The following PCMT1 variants were observed in gnomAD, a reference collection of about 807,000 sequenced individuals.
PCMT1 encodes protein-L-isoaspartate (D-aspartate) O-methyltransferase, also known as protein-L-isoaspartate(D-aspartate) O-methyltransferase.
A neutral mutation model predicts 29.2 loss-of-function variants in PCMT1; 9 were observed. The observed-to-expected ratio is 0.31, with a 90% CI of 0.19 to 0.54. The LOEUF (loss-of-function observed/expected upper bound fraction) is 0.54, where lower values mean the gene tolerates loss of function less well. PCMT1 is among the 20% of genes least tolerant of loss of function. The probability of loss-of-function intolerance (pLI) is 0.95; values close to 1 mark genes in which losing one functional copy is unlikely to be tolerated. For synonymous variants in PCMT1, 98 were observed against 97.5 expected (o/e 1.00, Z -0.03); for missense variants, 184 against 282.2 (o/e 0.65, Z 2.49).
intron 1 of PCMT1, among the ~76,000 whole-genome samples, chr6:149,755,471 T>C (rs1321312112): frequency 6.6e-6 from 1 of 152,024 alleles, no homozygotes; most frequent in Non-Finnish European, 1.5e-5. Flanking sequence ...GTATGGGCTT[T>C]GGTATTGTAT....
At chr6:149,750,962 A>G (rs1246622120) in intron 1 of PCMT1, among the ~76,000 whole-genome samples, 1 of 151,938 alleles carries the variant, frequency 6.6e-6, no homozygotes, top group African/African-American at 2.4e-5. Flanking sequence ...TTAGCTTTTC[A>G]TGTGTTTGTC....
intron 1 of PCMT1, among the ~76,000 whole-genome samples, chr6:149,768,582 C>T (rs1787186217): frequency 6.6e-6 from 1 of 151,074 alleles, no homozygotes; most frequent in African/African-American, 2.4e-5. Context: ...CTCTGAGTAG[C>T]TGGGATCACA....
chr6:149,791,320 A>T lies in PCMT1; in HGVS notation c.297+1262A>T, dbSNP rs1788361032. On this transcript the variant is annotated intron_variant, in intron 4 of 7. Coordinates refer to ENST00000464889, the MANE Select transcript of PCMT1 (RefSeq NM_001360452.2). Reference sequence around the variant, plus strand: ...CTTCTGCATTAGAAAAAGTGCTCTTAGAAAAATAATGCCTTGTTATACTTC... The same window carrying T: ...CTTCTGCATTAGAAAAAGTGCTCTTTGAAAAATAATGCCTTGTTATACTTC... 2.6e-5 allele frequency among the ~76,000 whole-genome samples: 4 copies of T among 152,246 alleles called. No individual in the cohort carries two copies. In the South Asian group the frequency reaches 8.3e-4, roughly 32 times the overall value.
At chr6:149,763,084 CTATGATATA>C (rs1203756913) in intron 1 of PCMT1, among the ~76,000 whole-genome samples, 1 of 62,912 alleles carries the variant, frequency 1.6e-5, no homozygotes. Context: ...ATATGTATAT[CTATGATATA>C]TATGATATAT....
At chr6:149,795,266 C>G in intron 5 of PCMT1, 1 of 405,564 alleles carries the variant, frequency 2.5e-6, no homozygotes, top group Non-Finnish European at 4.7e-6. Flanking sequence ...GATCACAGTT[C>G]CTCTCGTCCA....
At chr6:149,787,309 A>AGGGAGAGGGAGAGGGAGC (rs1788155668) in intron 3 of PCMT1, among the ~76,000 whole-genome samples, 1 of 147,920 alleles carries the variant, frequency 6.8e-6, no homozygotes, top group Non-Finnish European at 1.5e-5. Flanking sequence ...CCGTGGGGAG[A>AGGGAGAGGGAGAGGGAGC]GGGAGAGGGA....
Position 149,804,495 on chromosome 6 carries a change from CTTAAT to C in PCMT1, c.*37+2094_*37+2098del, listed in dbSNP as rs144587020. ...TGTCTAGGTTTTCTCTGACCCTGTT[CTTAAT>C]TTAATTTAATTTAAAAAAGTGTTTT... On this transcript the variant is annotated intron_variant, in intron 7 of 7. Coordinates refer to ENST00000464889, the MANE Select transcript of PCMT1 (RefSeq NM_001360452.2). 2.3e-3 allele frequency among the ~76,000 whole-genome samples: 353 copies of C among 152,068 alleles called. 1 individual carries two copies. The highest frequency in any genetic ancestry group is 3.5e-3 in the Non-Finnish European group (235 of 67,980).
chr6:149,767,220 AAG>A (rs1269214357), intron 1 of PCMT1, among the ~76,000 whole-genome samples: 1 of 147,696 alleles, frequency 6.8e-6, no homozygotes, highest in South Asian at 2.1e-4. Context: ...AAAAAAGAAA[AAG>A]AAATTCATTC....
intron 5 of PCMT1, chr6:149,794,736 CTG>C (rs1788530813): frequency 2.0e-5 from 9 of 453,642 alleles, no homozygotes; most frequent in Middle Eastern, 6.4e-4. Context: ...TGCCCTGATC[CTG>C]TGTGGACACT....
chr6:149,773,846 ATAT>A (rs1448034776), intron 3 of PCMT1, among the ~76,000 whole-genome samples: 1 of 152,230 alleles, frequency 6.6e-6, no homozygotes, highest in African/African-American at 2.4e-5. Flanking sequence ...CTCAAGTTGA[ATAT>A]TATTTCACAT....
At chr6:149,805,493 C>T (rs1049376403) in intron 7 of PCMT1, among the ~76,000 whole-genome samples, 12 of 151,912 alleles carry the variant, frequency 7.9e-5, no homozygotes, top group Non-Finnish European at 1.8e-4. Flanking sequence ...ACTCGGGAGG[C>T]TGAAGCAGGA....
chr6:149,803,988 G>A (rs540356477), intron 7 of PCMT1, among the ~76,000 whole-genome samples: 221 of 149,484 alleles, frequency 1.5e-3, no homozygotes, highest in Non-Finnish European at 2.6e-3. Flanking sequence ...GGCTGAGGCA[G>A]GAGAATTGTT....
At position 149,810,780 on chromosome 6, in the gene PCMT1, A is replaced by T; in HGVS notation, c.*202A>T. On this transcript the variant is annotated 3_prime_UTR_variant, in exon 8 of 8. Transcript: ENST00000464889. ...AATGTGTGTTTTTTTAGGGTTTCTG[A>T]TTCTTCAAAGAGGCACAGAGCCAAA... 1 of 578,512 alleles carries T rather than the reference A, an allele frequency of 1.7e-6. No homozygotes were observed. Among genetic ancestry groups the T allele is most frequent in the South Asian group, 2.9e-5 (1 of 34,854 alleles). 35.8% of individuals were successfully genotyped at this position (578,512 alleles called of 1,614,324 possible).
chr6:149,786,377 ACCTC>A (rs1283082758), intron 3 of PCMT1, among the ~76,000 whole-genome samples: 1 of 67,772 alleles, frequency 1.5e-5, no homozygotes, highest in East Asian at 6.5e-4. Context: ...TGACCCCCCC[ACCTC>A]CCTCCCGGAC....
intron 1 of PCMT1, among the ~76,000 whole-genome samples, chr6:149,766,629 A>G (rs1459302389): frequency 1.3e-5 from 2 of 152,222 alleles, no homozygotes; most frequent in African/African-American, 4.8e-5. Flanking sequence ...CTGTTCTTGC[A>G]TCACAGTGGT....
intron 3 of PCMT1, among the ~76,000 whole-genome samples, chr6:149,773,659 G>A (rs983612333): frequency 6.7e-4 from 102 of 152,294 alleles, no homozygotes; most frequent in African/African-American, 2.1e-3. Flanking sequence ...GATTACAGGC[G>A]TGAGCCACTG....
rs1242223267 is a variant in PCMT1, at chr6:149,783,489, G to C, written c.193-6465G>C. Among the ~76,000 whole-genome samples the C allele has an allele frequency of 1.3e-5, 2 of 152,132 alleles. 1 individual carries two copies. The highest frequency in any genetic ancestry group is 2.9e-5 in the Non-Finnish European group (2 of 68,016). On this transcript the variant is annotated intron_variant, in intron 3 of 7. Transcript: ENST00000464889. ...CTTGAAAGTAGAGTGATCTATTGGT[G>C]ACCACATTTACTGAGTGGTTGAGGT...
chr6:149,801,671 C>T (rs2115337344), intron 6 of PCMT1, among the ~76,000 whole-genome samples: 1 of 152,182 alleles, frequency 6.6e-6, no homozygotes, highest in Non-Finnish European at 1.5e-5. Flanking sequence ...TGGTCTTGAA[C>T]TCTTGACCTC....
chr6:149,787,427 C>T lies in PCMT1; in HGVS notation c.193-2527C>T, dbSNP rs555818151. Among the ~76,000 whole-genome samples, 13 of 150,300 alleles carry T rather than the reference C, an allele frequency of 8.6e-5. No homozygotes were observed. In the South Asian group the frequency reaches 2.3e-3, roughly 27 times the overall value. Reference sequence around the variant, plus strand: ...TGTCACCCAGGCTGGAGTGCAGTGGCGCCATCTTGGCTCACTGCAACATCC... The same window carrying T: ...TGTCACCCAGGCTGGAGTGCAGTGGTGCCATCTTGGCTCACTGCAACATCC... On this transcript the variant is annotated intron_variant, in intron 3 of 7. Transcript: ENST00000464889.
Sources: gnomAD v4.1 joint callset for allele counts (sites outside exome capture counted in the v4.1 genomes callset) on GRCh38, gnomAD v4.1.1 for gene constraint, MANE v1.5 for transcripts, NCBI Gene and HGNC (gene_info 2026-07-23, HGNC 2026-07-21) for gene names.